Variants in ADGRF1 observed in about 807,000 individuals in gnomAD.
The protein encoded by ADGRF1 is adhesion G protein-coupled receptor F1.
A neutral mutation model predicts 87.2 loss-of-function variants in ADGRF1; 85 were observed. The observed-to-expected ratio is 0.97, with a 90% CI of 0.82 to 1.17. The LOEUF is 1.17. ADGRF1 is among the 50% of genes most tolerant of loss of function. The probability of loss-of-function intolerance (pLI) is 0.00; values close to 1 mark genes in which losing one functional copy is unlikely to be tolerated. For missense variants in ADGRF1, 1,169 were observed against 1,077.2 expected, an observed-to-expected ratio of 1.09 and a Z score of -1.19; for synonymous variants, 430 against 408.8, an observed-to-expected ratio of 1.05 and a Z score of -0.63.
intron 1 of ADGRF1, among the ~76,000 whole-genome samples, chr6:47,038,416 C>T (rs757680499): frequency 3.3e-5 from 5 of 152,124 alleles, no homozygotes; most frequent in Non-Finnish European, 7.4e-5. Flanking sequence ...ATCCAGACCA[C>T]CTTGATAATT....
At position 47,002,949 on chromosome 6, in the gene ADGRF1, C is replaced by T. The variant is rs140205019; in HGVS notation, c.2593-1382G>A. Among the ~76,000 whole-genome samples the T allele has an allele frequency of 7.4e-3, 1,119 of 152,238 alleles. 17 individuals are homozygous for T. The highest frequency in any genetic ancestry group is 0.026 in the African/African-American group (1,082 of 41,540). ...TCTGTTCAGGATCCCTACTTTACTC[C>T]TCCTTTAGCTATCTCTCAGAGGATA... On this transcript the variant is annotated intron_variant, in intron 13 of 14. Transcript: ENST00000371253.
intron 1 of ADGRF1, among the ~76,000 whole-genome samples, chr6:47,031,591 T>C (rs1190539537): frequency 6.6e-6 from 1 of 152,170 alleles, no homozygotes; most frequent in African/African-American, 2.4e-5. Context: ...CATCAGAATT[T>C]CAGACAAGTG....
In ADGRF1 at chr6:47,025,929, A is replaced by C; in HGVS notation, c.202T>G (p.Phe68Val). The C allele has an allele frequency of 6.2e-7, 1 of 1,612,208 alleles. No individual in the cohort carries two copies. The highest frequency in any genetic ancestry group is 2.2e-5 in the East Asian group (1 of 44,874). Residue 68 changes from phenylalanine to valine, a missense_variant, in exon 4 of 15, where the codon TTT becomes GTT. By Grantham distance (50) the Phe-to-Val change is conservative. Coordinates refer to ENST00000371253, the MANE Select transcript of ADGRF1 (RefSeq NM_153840.4). Reference sequence around the variant, plus strand: ...AATGGAGGCTTCAAGAGCTTCAGAAAATTTCTCAAATCTCTTTTCTCCTTG... The same window carrying C: ...AATGGAGGCTTCAAGAGCTTCAGAACATTTCTCAAATCTCTTTTCTCCTTG... ...DSKEKRDLRN[F>V]LKLLKPPLLW...
intron 1 of ADGRF1, among the ~76,000 whole-genome samples, chr6:47,038,245 C>T (rs1780647180): frequency 1.3e-5 from 2 of 152,212 alleles, no homozygotes; most frequent in Admixed American, 1.3e-4. Flanking sequence ...ATTTTTAGTA[C>T]ACTTAATTCT....
chr6:47,008,258 C>A (rs1413951621), intron 11 of ADGRF1, among the ~76,000 whole-genome samples: 5 of 152,188 alleles, frequency 3.3e-5, no homozygotes, highest in African/African-American at 1.2e-4. Flanking sequence ...GGACTGAAGG[C>A]TCTCGTCCAG....
At chr6:47,033,007 C>T (rs1231058445) in intron 1 of ADGRF1, among the ~76,000 whole-genome samples, 1 of 152,164 alleles carries the variant, frequency 6.6e-6, no homozygotes, top group Non-Finnish European at 1.5e-5. Flanking sequence ...AAACATAAAC[C>T]CCATGGTATT....
Position 47,027,704 on chromosome 6 carries a change from C to A in ADGRF1, c.127G>T (p.Gly43Cys). ...ACCATGCTGTCTAACAGAGCCTCAC[C>A]TAGATGTTTTTTCTTATTCACAATG... is the stretch of plus-strand genomic sequence containing the variant. ...ELIVNKKKHL[G>C]PVEEYQLLLQ... Residue 43 changes from glycine (G) to cysteine (C), a missense_variant and splice_region_variant, in exon 3 of 15, where the codon GGC (glycine) becomes TGC (cysteine). Transcript: ENST00000371253. 1.9e-6 allele frequency: 3 copies of A among 1,603,898 alleles called. No homozygotes were observed. Among genetic ancestry groups the A allele is most frequent in the Non-Finnish European group, 1.7e-6 (2 of 1,171,052 alleles).
rs1403414710 is a variant in ADGRF1 at position 47,006,480 on chromosome 6, G to A, written c.2533-604C>T. Among the ~76,000 whole-genome samples the A allele has an allele frequency of 4.0e-5, 6 of 151,808 alleles. No homozygotes were observed. In the East Asian group the frequency reaches 5.8e-4, roughly 15 times the overall value. ...ACTGGGAATTTTATTTAATGTGAGA[G>A]GCTATTTATTTATTTATTTTTCTTC... On this transcript the variant is annotated intron_variant, in intron 12 of 14. Transcript: ENST00000371253.
At chr6:47,028,898 A>T in intron 2 of ADGRF1, 95 bp downstream of exon 2, 1 of 888,476 alleles carries the variant, frequency 1.1e-6, no homozygotes, top group African/African-American at 1.6e-5. Context: ...TAAATTATGC[A>T]GTTGCAGTCC....
At chr6:47,023,467 T>C (rs1036273870) in intron 5 of ADGRF1, among the ~76,000 whole-genome samples, 11 of 152,236 alleles carry the variant, frequency 7.2e-5, no homozygotes, top group Admixed American at 5.2e-4. Flanking sequence ...GGAGTCCATG[T>C]CATTTGGCTC....
chr6:47,003,695 A>G (rs146020599), intron 13 of ADGRF1, among the ~76,000 whole-genome samples: 3 of 152,306 alleles, frequency 2.0e-5, no homozygotes, highest in African/African-American at 4.8e-5. Context: ...GAGTTGTCCC[A>G]TCTTTCCAGA....
At chr6:47,020,650 C>T in intron 7 of ADGRF1, 81 bp downstream of exon 7, 4 of 1,582,748 alleles carry the variant, frequency 2.5e-6, no homozygotes, top group Non-Finnish European at 3.5e-6. Flanking sequence ...CTGTCAGGGT[C>T]ACCTAAAAAC....
rs1222755083 is a variant in ADGRF1 at position 47,009,412 on chromosome 6, T to A, written c.2023A>T (p.Met675Leu). Residue 675 changes from methionine (M) to leucine (L), a missense_variant, in exon 11 of 15, where the codon ATG becomes TTG. Met to Leu is a conservative substitution (Grantham distance 15, BLOSUM62 2). Transcript: ENST00000371253. ...HFFYLSLFFW[M>L]LMLGILLAYR... ...GCCAGCAGGATGCCAAGCATGAGCA[T>A]CCAGAAGAACAAAGAGAGGTAGAAG... 5 of 1,613,904 alleles carry A rather than the reference T, an allele frequency of 3.1e-6. No homozygotes were observed. The highest frequency in any genetic ancestry group is 4.2e-6 in the Non-Finnish European group (5 of 1,179,956).
chr6:47,019,221 G>A, intron 7 of ADGRF1: 11 of 839,728 alleles, frequency 1.3e-5, no homozygotes, highest in Non-Finnish European at 1.6e-5. Context: ...AGAAAACAAG[G>A]ATCACAGAAA....
At chr6:47,030,450 G>GA (rs1434934676) in intron 1 of ADGRF1, among the ~76,000 whole-genome samples, 6 of 152,210 alleles carry the variant, frequency 3.9e-5, no homozygotes, top group Middle Eastern at 3.4e-3. Context: ...TATCTGCTGT[G>GA]AGTTCTATTC....
intron 14 of ADGRF1, 97 bp downstream of exon 14, chr6:47,001,404 A>T: frequency 1.0e-6 from 1 of 975,992 alleles, no homozygotes; most frequent in Non-Finnish European, 1.6e-6. Context: ...CACTTCTCAC[A>T]TGAGTTTCTT....
chr6:47,029,077 C>G lies in ADGRF1; in HGVS notation c.-16G>C. On this transcript the variant is annotated 5_prime_UTR_variant, in exon 2 of 15. Coordinates refer to ENST00000371253, the MANE Select transcript of ADGRF1 (RefSeq NM_153840.4). ...CAACTTTCATTTTCCCTGGACTGAA[C>G]AGCAGCAGTCGGGTGCATAGTCTGT... The G allele has an allele frequency of 1.2e-6, 2 of 1,610,250 alleles. No homozygotes were observed. Among genetic ancestry groups the G allele is most frequent in the Non-Finnish European group, 1.7e-6 (2 of 1,176,518 alleles).
chr6:47,040,450 C>T (rs965146341), intron 1 of ADGRF1, among the ~76,000 whole-genome samples: 10 of 151,414 alleles, frequency 6.6e-5, no homozygotes, highest in African/African-American at 1.7e-4. Flanking sequence ...CCAGCCTGGG[C>T]GACAGAGTGA....
chr6:47,018,219 C>T (rs9463279), intron 7 of ADGRF1: 87,466 of 380,934 alleles, frequency 0.23, 10,866 homozygotes, highest in South Asian at 0.35. Flanking sequence ...TAGAATCCAT[C>T]AGCATACAGA....
Sources: gnomAD v4.1 joint callset for allele counts (sites outside exome capture counted in the v4.1 genomes callset) on GRCh38, gnomAD v4.1.1 for gene constraint, MANE v1.5 for transcripts, NCBI Gene and HGNC (gene_info 2026-07-23, HGNC 2026-07-21) for gene names.